TRAP1: variants seen among roughly 807,000 people sequenced by gnomAD.
TRAP1 encodes the protein TNF receptor associated protein 1.
A neutral mutation model predicts 89.1 loss-of-function variants in TRAP1; 102 were observed. The ratio of observed to expected loss-of-function variants is 1.15; its 90% CI spans 0.98 to 1.35. TRAP1 has a LOEUF of 1.35. Among genes scored for constraint, TRAP1 ranks in the 40% most tolerant of loss-of-function variants. The pLI is 0.00. For missense variants in TRAP1, 1,256 were observed against 945.3 expected (o/e 1.33, Z -4.31); for synonymous variants, 508 against 388.0 (o/e 1.31, Z -3.64).
intron 1 of TRAP1, among the ~76,000 whole-genome samples, chr16:3,701,505 C>T (rs1017300921): frequency 6.7e-6 from 1 of 149,442 alleles, no homozygotes; most frequent in Non-Finnish European, 1.5e-5. Flanking sequence ...GAGCTGAGAT[C>T]GCGCCCCTGC....
intron 17 of TRAP1, 92 bp downstream of exon 17, chr16:3,658,701 G>T: frequency 8.3e-7 from 1 of 1,204,646 alleles, no homozygotes; most frequent in Non-Finnish European, 1.2e-6. Flanking sequence ...AAAAAGACAG[G>T]ATTTTAGAGG....
chr16:3,675,334 T>C lies in TRAP1; in HGVS notation c.878A>G (p.Asn293Ser). ...FPLYLNGRRM[N>S]TLQAIWMMDP... ...GAACTCAGGGCTCACCTGCAAGGTGTTCATCCGCCTTCCATTCAAGTACAA... is the reference window on the plus strand; with the variant it reads ...GAACTCAGGGCTCACCTGCAAGGTGCTCATCCGCCTTCCATTCAAGTACAA... Residue 293 changes from asparagine to serine, a missense_variant, in exon 8 of 18, where the codon AAC (asparagine) becomes AGC (serine). By Grantham distance (46) the Asn-to-Ser change is conservative. Coordinates refer to ENST00000246957, the MANE Select transcript of TRAP1 (RefSeq NM_016292.3). 1 of 1,614,068 alleles carries C rather than the reference T, an allele frequency of 6.2e-7. No homozygotes were observed. Among genetic ancestry groups the C allele is most frequent in the Non-Finnish European group, 8.5e-7 (1 of 1,179,948 alleles).
Position 3,666,053 on chromosome 16 carries a change from G to A in TRAP1, c.1301C>T (p.Ala434Val), listed in dbSNP as rs1394467550. ...TTCAAAAAACTTTGCATACTTCTCA[G>A]CATCTTTTTTACTCTGGTCAATGAA... The part of the protein sequence containing the change: ...KFFIDQSKKD[A>V]EKYAKFFEDY... The change falls in exon 12 of 18, where the codon GCT (alanine) becomes GTT (valine). Residue 434 changes from alanine to valine, a missense_variant. Coordinates refer to ENST00000246957, the MANE Select transcript of TRAP1 (RefSeq NM_016292.3). The A allele has an allele frequency of 6.2e-7, 1 of 1,614,148 alleles. No individual in the cohort carries two copies. Among genetic ancestry groups the A allele is most frequent in the African/African-American group, 1.3e-5 (1 of 75,034 alleles).
At chr16:3,677,824 G>T in intron 5 of TRAP1, 166 bp from the exon 6 acceptor site, 1 of 757,156 alleles carries the variant, frequency 1.3e-6, no homozygotes, top group Non-Finnish European at 2.1e-6. Context: ...GTCACAGAGA[G>T]GTGACACATT....
chr16:3,695,536 G>GAA (rs567047394), intron 1 of TRAP1, among the ~76,000 whole-genome samples: 5,175 of 74,564 alleles, frequency 0.069, 390 homozygotes, highest in African/African-American at 0.22. Context: ...ACTCTGTCTC[G>GAA]AAAAAAAAAA....
chr16:3,676,185 C>T, intron 6 of TRAP1, 40 bp from the exon 7 acceptor site: 2 of 1,577,248 alleles, frequency 1.3e-6, no homozygotes, highest in Non-Finnish European at 1.7e-6. Context: ...GTGGATGTGA[C>T]ACTGGGACAT....
rs559481582 is a variant in TRAP1 at position 3,676,428 on chromosome 16, T to A, written c.705-283A>T. The A allele has an allele frequency of 6.9e-4, 158 of 230,618 alleles. 3 individuals are homozygous for A. The South Asian group carries it at 0.013, about 18-fold the overall frequency. 14.3% of individuals were successfully genotyped at this position (230,618 alleles called of 1,614,324 possible). A position where few individuals can be genotyped will look rare whatever the true frequency, so the allele number is the denominator to read the frequency against. The stretch of plus-strand genomic sequence containing the variant: ...TGGGCTTCGAAGAAGCTTCTGGGCT[T>A]ACCCCAAAAGCAGGCCTGGGGCACT... On this transcript the variant is annotated intron_variant, in intron 6 of 17. Transcript: ENST00000246957.
chr16:3,676,202 C>T (rs965348241), intron 6 of TRAP1, 57 bp from the exon 7 acceptor site: 11 of 1,477,436 alleles, frequency 7.4e-6, no homozygotes, highest in Middle Eastern at 1.7e-4. Flanking sequence ...ACATACCCTG[C>T]ATGGGACTCC....
chr16:3,682,004 G>A (rs1165445174), intron 4 of TRAP1, among the ~76,000 whole-genome samples: 4 of 152,150 alleles, frequency 2.6e-5, no homozygotes, highest in Admixed American at 6.5e-5. Context: ...GGCATTTAAG[G>A]ATCGACACAT....
At chr16:3,708,467 T>C (rs1222566700) in intron 1 of TRAP1, among the ~76,000 whole-genome samples, 5 of 151,852 alleles carry the variant, frequency 3.3e-5, no homozygotes, top group Non-Finnish European at 5.9e-5. Flanking sequence ...TGAAATTCCA[T>C]CTCTACTAAA....
intron 4 of TRAP1, among the ~76,000 whole-genome samples, chr16:3,685,297 C>T (rs1267010105): frequency 1.3e-5 from 2 of 152,206 alleles, no homozygotes; most frequent in Admixed American, 6.5e-5. Flanking sequence ...AGAGGGAGTG[C>T]GTAAAGCTGA....
At chr16:3,663,693 T>G in intron 13 of TRAP1, 131 bp from the exon 14 acceptor site, 2 of 1,166,546 alleles carry the variant, frequency 1.7e-6, no homozygotes, top group Non-Finnish European at 2.4e-6. Context: ...CAGTTGGGGT[T>G]CCTAGGCCTG....
intron 15 of TRAP1, chr16:3,662,662 G>A: frequency 1.5e-6 from 1 of 688,496 alleles, no homozygotes; most frequent in South Asian, 1.5e-5. Context: ...GTTCACACCT[G>A]CTCTGGAGCA....
chr16:3,702,830 G>C (rs1181751567), intron 1 of TRAP1, among the ~76,000 whole-genome samples: 1 of 151,496 alleles, frequency 6.6e-6, no homozygotes, highest in Non-Finnish European at 1.5e-5. Context: ...ATCACCTGAG[G>C]TTGGGAGTTT....
chr16:3,697,839 A>G (rs1481000723), intron 1 of TRAP1, among the ~76,000 whole-genome samples: 1 of 148,422 alleles, frequency 6.7e-6, no homozygotes, highest in East Asian at 2.0e-4. Flanking sequence ...CCAGAGCTGG[A>G]GTGAAATGGC....
chr16:3,671,666 G>A (rs1461691992), intron 11 of TRAP1, 56 bp downstream of exon 11: 10 of 1,579,594 alleles, frequency 6.3e-6, no homozygotes, highest in Non-Finnish European at 7.8e-6. Context: ...GGGGGCAAAG[G>A]AGCAGGTAGG....
intron 1 of TRAP1, among the ~76,000 whole-genome samples, chr16:3,691,553 C>T (rs373299184): frequency 1.4e-4 from 21 of 152,246 alleles, no homozygotes; most frequent in Middle Eastern, 3.4e-3. Context: ...TTCCCACATT[C>T]GCCTCACGGG....
chr16:3,690,264 C>A (rs2051195485), intron 2 of TRAP1, among the ~76,000 whole-genome samples: 1 of 152,156 alleles, frequency 6.6e-6, no homozygotes, highest in African/African-American at 2.4e-5. Flanking sequence ...CCTCGGCCTC[C>A]CAAAGTGCTG....
At chr16:3,688,465 G>C (rs2051167553) in intron 3 of TRAP1, among the ~76,000 whole-genome samples, 1 of 152,122 alleles carries the variant, frequency 6.6e-6, no homozygotes, top group Non-Finnish European at 1.5e-5. Context: ...GAATTCAGCA[G>C]AGCTGCACGC....
Sources: gnomAD v4.1 joint callset for allele counts (sites outside exome capture counted in the v4.1 genomes callset) on GRCh38, gnomAD v4.1.1 for gene constraint, MANE v1.5 for transcripts, NCBI Gene and HGNC (gene_info 2026-07-23, HGNC 2026-07-21) for gene names.